Variants in NALF1 observed in about 807,000 individuals in gnomAD.
NALF1 encodes family with sequence similarity 155 member A.
Under a neutral mutation model 48.4 loss-of-function variants are expected in NALF1, and 3 were observed. The observed-to-expected ratio is 0.06, with a 90% CI of 0.03 to 0.16. NALF1 has a LOEUF of 0.16. Ranked by LOEUF, NALF1 falls within the 10% of genes least tolerant of loss-of-function variation. The probability of loss-of-function intolerance (pLI) is 1.00; values close to 1 mark genes in which losing one functional copy is unlikely to be tolerated. For missense variants in NALF1, 526 were observed against 571.5 expected, an observed-to-expected ratio of 0.92 and a Z score of 0.81; for synonymous variants, 262 against 245.7, an observed-to-expected ratio of 1.07 and a Z score of -0.62.
At chr13:107,774,521 C>T (rs567300982) in intron 1 of NALF1, among the ~76,000 whole-genome samples, 1 of 152,212 alleles carries the variant, frequency 6.6e-6, no homozygotes, top group Non-Finnish European at 1.5e-5. Context: ...ATTAAAACCT[C>T]TCTGAGACTA....
At chr13:107,277,551 G>A (rs1881305522) in intron 1 of NALF1, among the ~76,000 whole-genome samples, 1 of 152,100 alleles carries the variant, frequency 6.6e-6, no homozygotes, top group African/African-American at 2.4e-5. Context: ...GATCTTGACT[G>A]TCAGTTTCTC....
At chr13:107,615,927 A>G (rs1879366474) in intron 1 of NALF1, among the ~76,000 whole-genome samples, 1 of 152,180 alleles carries the variant, frequency 6.6e-6, no homozygotes, top group Non-Finnish European at 1.5e-5. Flanking sequence ...GGTAAGTTAG[A>G]CATCCATAAT....
intron 1 of NALF1, among the ~76,000 whole-genome samples, chr13:107,705,961 G>C (rs1289489875): frequency 6.6e-6 from 1 of 152,086 alleles, no homozygotes; most frequent in African/African-American, 2.4e-5. Context: ...GAGAGAGAAA[G>C]AGATAGACTC....
At chr13:107,825,837 A>G (rs964284148) in intron 1 of NALF1, among the ~76,000 whole-genome samples, 1 of 152,080 alleles carries the variant, frequency 6.6e-6, no homozygotes, top group Non-Finnish European at 1.5e-5. Flanking sequence ...CTGGAGTGCA[A>G]TGGCAACATC....
intron 1 of NALF1, among the ~76,000 whole-genome samples, chr13:107,585,148 C>T (rs1429117121): frequency 2.0e-5 from 3 of 151,952 alleles, no homozygotes; most frequent in Non-Finnish European, 2.9e-5. Flanking sequence ...TAATCCAACC[C>T]GGTCATTTTT....
At chr13:107,757,855 G>A (rs1307050276) in intron 1 of NALF1, among the ~76,000 whole-genome samples, 2 of 152,094 alleles carry the variant, frequency 1.3e-5, no homozygotes, top group Admixed American at 1.3e-4. Context: ...GAAAAATTCT[G>A]TCAAATCATC....
At chr13:107,545,346 C>G (rs2139123473) in intron 1 of NALF1, among the ~76,000 whole-genome samples, 1 of 152,276 alleles carries the variant, frequency 6.6e-6, no homozygotes, top group South Asian at 2.1e-4. Context: ...TCCTCTGGAG[C>G]CTTCAAAGGG....
At chr13:107,575,594 T>A (rs982480851) in intron 1 of NALF1, among the ~76,000 whole-genome samples, 1 of 152,198 alleles carries the variant, frequency 6.6e-6, no homozygotes, top group African/African-American at 2.4e-5. Flanking sequence ...TCACCCATGC[T>A]ATGCCATTCC....
intron 1 of NALF1, among the ~76,000 whole-genome samples, chr13:107,662,067 G>A (rs1278658258): frequency 6.6e-6 from 1 of 152,202 alleles, no homozygotes; most frequent in African/African-American, 2.4e-5. Context: ...GAGGAGGACA[G>A]CAGAAAAAGC....
chr13:107,578,095 G>A (rs562392709), intron 1 of NALF1, among the ~76,000 whole-genome samples: 17 of 152,096 alleles, frequency 1.1e-4, no homozygotes, highest in South Asian at 1.0e-3. Context: ...TTGCCTCCTC[G>A]TTTTACTCAT....
At chr13:107,708,968 C>T (rs1875484812) in intron 1 of NALF1, among the ~76,000 whole-genome samples, 1 of 152,136 alleles carries the variant, frequency 6.6e-6, no homozygotes, top group Non-Finnish European at 1.5e-5. Context: ...ACCAGAAATG[C>T]ATAATCAGCA....
intron 1 of NALF1, among the ~76,000 whole-genome samples, chr13:107,264,711 G>A (rs919614254): frequency 6.6e-6 from 1 of 152,146 alleles, no homozygotes; most frequent in Non-Finnish European, 1.5e-5. Context: ...ATATGCATCT[G>A]TGCAGCTACT....
intron 1 of NALF1, among the ~76,000 whole-genome samples, chr13:107,482,967 A>G (rs934297813): frequency 5.3e-5 from 8 of 152,078 alleles, no homozygotes; most frequent in Admixed American, 1.3e-4. Flanking sequence ...TCCATGCCAA[A>G]CGTAAGCTGT....
chr13:107,555,304 T>C (rs1877428987), intron 1 of NALF1, among the ~76,000 whole-genome samples: 1 of 151,850 alleles, frequency 6.6e-6, no homozygotes, highest in Non-Finnish European at 1.5e-5. Flanking sequence ...CAAAGTTTCA[T>C]TCTTGTTGCC....
At chr13:107,583,957 A>C (rs1878381794) in intron 1 of NALF1, among the ~76,000 whole-genome samples, 1 of 152,112 alleles carries the variant, frequency 6.6e-6, no homozygotes, top group African/African-American at 2.4e-5. Flanking sequence ...AGGACAAAAA[A>C]ATCATCTTAA....
At chr13:107,734,780 T>A (rs1268752192) in intron 1 of NALF1, among the ~76,000 whole-genome samples, 1 of 152,112 alleles carries the variant, frequency 6.6e-6, no homozygotes, top group Non-Finnish European at 1.5e-5. Flanking sequence ...TTAATAATGA[T>A]GATGATGATA....
intron 1 of NALF1, among the ~76,000 whole-genome samples, chr13:107,268,055 C>T (rs1430607729): frequency 2.8e-5 from 4 of 141,918 alleles, no homozygotes; most frequent in African/African-American, 1.1e-4. Context: ...GGCGCGATCT[C>T]GGCTCACTGC....
chr13:107,562,619 T>C (rs1379807679), intron 1 of NALF1, among the ~76,000 whole-genome samples: 3 of 152,218 alleles, frequency 2.0e-5, no homozygotes, highest in Non-Finnish European at 4.4e-5. Context: ...TCTGCTTCTG[T>C]AGAATCTCCA....
chr13:107,766,925 C>T (rs1486510429), intron 1 of NALF1, among the ~76,000 whole-genome samples: 1 of 152,014 alleles, frequency 6.6e-6, no homozygotes, highest in Non-Finnish European at 1.5e-5. Context: ...TAAAAACTAT[C>T]CAGAGTGATT....
Sources: gnomAD v4.1 joint callset for allele counts (sites outside exome capture counted in the v4.1 genomes callset) on GRCh38, gnomAD v4.1.1 for gene constraint, MANE v1.5 for transcripts, NCBI Gene and HGNC (gene_info 2026-07-23, HGNC 2026-07-21) for gene names.